RSU1: variants seen among roughly 807,000 people sequenced by gnomAD.
RSU1 encodes Ras suppressor protein 1.
A neutral mutation model predicts 31.1 loss-of-function variants in RSU1; 26 were observed. The observed-to-expected ratio is 0.84, with a 90% confidence interval of 0.61 to 1.16. RSU1 has a LOEUF of 1.16. RSU1 is among the 50% of genes most tolerant of loss of function. The probability of loss-of-function intolerance (pLI) is 0.00; values close to 1 mark genes in which losing one functional copy is unlikely to be tolerated. For missense variants in RSU1, 320 were observed against 339.1 expected (o/e 0.94, Z 0.44); for synonymous variants, 164 against 136.3 (o/e 1.20, Z -1.41).
intron 8 of RSU1, among the ~76,000 whole-genome samples, chr10:16,653,831 A>T (rs1834726844): frequency 6.6e-6 from 1 of 152,052 alleles, no homozygotes; most frequent in Non-Finnish European, 1.5e-5. Context: ...GGGAGAGGGG[A>T]GATTGAATTA....
intron 8 of RSU1, among the ~76,000 whole-genome samples, chr10:16,684,492 C>T (rs982745440): frequency 2.6e-5 from 4 of 152,056 alleles, no homozygotes; most frequent in Non-Finnish European, 5.9e-5. Context: ...GCCCTCACCC[C>T]GGATAACTGA....
intron 7 of RSU1, among the ~76,000 whole-genome samples, chr10:16,743,842 A>G (rs1286345956): frequency 1.3e-5 from 2 of 152,216 alleles, no homozygotes; most frequent in African/African-American, 4.8e-5. Context: ...GAAATAGTTA[A>G]AAGATTTAGC....
intron 7 of RSU1, among the ~76,000 whole-genome samples, chr10:16,717,685 C>A (rs930962315): frequency 4.6e-5 from 7 of 152,130 alleles, no homozygotes; most frequent in African/African-American, 1.7e-4. Flanking sequence ...ACTCCACAGT[C>A]AAGCACAGAC....
intron 2 of RSU1, among the ~76,000 whole-genome samples, chr10:16,807,544 G>A (rs536840943): frequency 6.6e-6 from 1 of 152,196 alleles, no homozygotes; most frequent in South Asian, 2.1e-4. Context: ...CCATTCTATT[G>A]AGATTAATAG....
chr10:16,652,391 G>GC (rs1491108616), intron 8 of RSU1, among the ~76,000 whole-genome samples: 1 of 12,356 alleles, frequency 8.1e-5, no homozygotes, highest in Non-Finnish European at 1.4e-4. Context: ...CTGCCCCAAA[G>GC]CAAAAAAAAA....
chr10:16,633,403 G>GA (rs1174399757), intron 8 of RSU1, among the ~76,000 whole-genome samples: 2 of 151,956 alleles, frequency 1.3e-5, no homozygotes, highest in Middle Eastern at 3.2e-3. Flanking sequence ...GTGCCTCCAA[G>GA]AAAAAACAGA....
intron 2 of RSU1, among the ~76,000 whole-genome samples, chr10:16,782,289 T>G (rs1021690336): frequency 1.3e-5 from 2 of 152,180 alleles, no homozygotes; most frequent in African/African-American, 4.8e-5. Flanking sequence ...AACGGTGCAA[T>G]TAGCTCAGCA....
chr10:16,747,279 T>C (rs981913405), intron 7 of RSU1, among the ~76,000 whole-genome samples: 13 of 152,208 alleles, frequency 8.5e-5, no homozygotes, highest in African/African-American at 3.1e-4. Flanking sequence ...CTTAAATGTA[T>C]GCTGATAATG....
At chr10:16,789,017 C>T (rs956198295) in intron 2 of RSU1, among the ~76,000 whole-genome samples, 6 of 152,014 alleles carry the variant, frequency 3.9e-5, no homozygotes, top group South Asian at 2.1e-4. Flanking sequence ...TTAATTTCTC[C>T]GAAAATAGCA....
chr10:16,642,627 T>C (rs1439955642), intron 8 of RSU1, among the ~76,000 whole-genome samples: 1 of 152,204 alleles, frequency 6.6e-6, no homozygotes, highest in Non-Finnish European at 1.5e-5. Flanking sequence ...ATTCTTAAAA[T>C]TCAATTTGTA....
chr10:16,771,570 G>A (rs1170918422), intron 3 of RSU1, among the ~76,000 whole-genome samples: 1 of 152,014 alleles, frequency 6.6e-6, no homozygotes, highest in East Asian at 1.9e-4. Flanking sequence ...TCACTCTCGC[G>A]TAGGAATAAT....
intron 8 of RSU1, among the ~76,000 whole-genome samples, chr10:16,666,413 C>A (rs932938532): frequency 5.3e-5 from 8 of 152,170 alleles, no homozygotes; most frequent in Non-Finnish European, 1.5e-5. Context: ...ACTGCACTCT[C>A]AAATAACATG....
At chr10:16,722,606 A>G (rs1265473459) in intron 7 of RSU1, among the ~76,000 whole-genome samples, 1 of 152,162 alleles carries the variant, frequency 6.6e-6, no homozygotes, top group Non-Finnish European at 1.5e-5. Flanking sequence ...GTTAGAACTC[A>G]TGAGTGAAGA....
At chr10:16,783,379 C>CT (rs1837698862) in intron 2 of RSU1, among the ~76,000 whole-genome samples, 1 of 60,000 alleles carries the variant, frequency 1.7e-5, no homozygotes, top group African/African-American at 2.9e-4. Context: ...TTTTTTGAGA[C>CT]TGAGTCTCAC....
chr10:16,649,097 G>T (rs1231207335), intron 8 of RSU1, among the ~76,000 whole-genome samples: 1 of 152,054 alleles, frequency 6.6e-6, no homozygotes, highest in East Asian at 1.9e-4. Context: ...ATTAATCAAA[G>T]ATTTAAACAA....
intron 2 of RSU1, among the ~76,000 whole-genome samples, chr10:16,792,995 A>G (rs534242637): frequency 9.8e-5 from 15 of 152,318 alleles, no homozygotes; most frequent in African/African-American, 3.4e-4. Context: ...GTAGTAGGAC[A>G]CAGATTCTGA....
At chr10:16,795,049 C>A (rs1354561933) in intron 2 of RSU1, among the ~76,000 whole-genome samples, 1 of 152,198 alleles carries the variant, frequency 6.6e-6, no homozygotes, top group Admixed American at 6.5e-5. Flanking sequence ...TATGTGTTCA[C>A]TAGAATCAAA....
chr10:16,688,829 C>A (rs1417685457), intron 8 of RSU1, among the ~76,000 whole-genome samples: 1 of 148,050 alleles, frequency 6.8e-6, no homozygotes, highest in Non-Finnish European at 1.5e-5. Flanking sequence ...AGCAAGACCC[C>A]CAGTCTCCAC....
chr10:16,596,018 C>G (rs916357608), intron 8 of RSU1, among the ~76,000 whole-genome samples: 1 of 151,942 alleles, frequency 6.6e-6, no homozygotes, highest in Non-Finnish European at 1.5e-5. Context: ...CCTATAGGGG[C>G]TCCCCCAACC....
Sources: gnomAD v4.1 joint callset for allele counts (sites outside exome capture counted in the v4.1 genomes callset) on GRCh38, gnomAD v4.1.1 for gene constraint, MANE v1.5 for transcripts, NCBI Gene and HGNC (gene_info 2026-07-23, HGNC 2026-07-21) for gene names.